SMAD4: variants seen among roughly 807,000 people sequenced by gnomAD.
The protein encoded by SMAD4 is MAD homolog 4.
In SMAD4, 7 loss-of-function variants were observed where a neutral mutation model predicts 63.2. That is an observed-to-expected ratio of 0.11 (90% CI 0.06 to 0.21). SMAD4 has a LOEUF of 0.21. Among genes scored for constraint, SMAD4 ranks in the 10% least tolerant of loss-of-function variants. The pLI is 1.00. For missense variants in SMAD4, 312 were observed against 693.8 expected (o/e 0.45, Z 6.18); for synonymous variants, 215 against 235.4 (o/e 0.91, Z 0.79).
At chr18:51,049,378 T>C in intron 4 of SMAD4, 54 bp downstream of exon 4, 1 of 1,358,890 alleles carries the variant, frequency 7.4e-7, no homozygotes, top group Non-Finnish European at 1.1e-6. Flanking sequence ...TCCTCTCTGT[T>C]TTTTTGTTGA....
rs11875522 is a variant in SMAD4 at position 51,065,392 on chromosome 18, G to A, written c.956-31G>A. Reference sequence around the variant, plus strand: ...TGAAAGCCTTATATCTTTCTCATGGGAGGATGTTCTTTCCCATTTATTTCC... The same window carrying A: ...TGAAAGCCTTATATCTTTCTCATGGAAGGATGTTCTTTCCCATTTATTTCC... On this transcript the variant is annotated intron_variant, in intron 8 of 11. Transcript: ENST00000342988. 13,744 of 1,576,258 alleles carry A rather than the reference G, an allele frequency of 8.7e-3. 991 individuals are homozygous for A. The African/African-American group carries it at 0.16, about 18-fold the overall frequency.
chr18:51,068,676 T>C (rs1910235580), intron 10 of SMAD4, among the ~76,000 whole-genome samples: 1 of 152,192 alleles, frequency 6.6e-6, no homozygotes, highest in Non-Finnish European at 1.5e-5. Flanking sequence ...CTTAGCACTT[T>C]CGGAGGCCAA....
In SMAD4 at chr18:51,030,520, G is replaced by T. The variant is rs1282467748; in HGVS notation, c.-231G>T. ...GCCTGGCCGGGACGCCTCGGGGCGG[G>T]GGCCGAGGAGCTCTCCGGGCCGCCG... On this transcript the variant is annotated 5_prime_UTR_variant, in exon 1 of 12. Transcript: ENST00000342988. 1 of 148,764 alleles carries T rather than the reference G, an allele frequency of 6.7e-6. No individual in the cohort carries two copies. The highest frequency in any genetic ancestry group is 6.7e-5 in the Admixed American group (1 of 15,034). 9.2% of individuals were successfully genotyped at this position (148,764 alleles called of 1,614,324 possible).
rs1199012765 is a variant in SMAD4, at chr18:51,084,289, TC to T, written c.*5825del. 4.4e-6 allele frequency: 1 copy of T among 228,818 alleles called. No individual in the cohort carries two copies. Among genetic ancestry groups the T allele is most frequent in the Non-Finnish European group, 8.7e-6 (1 of 115,398 alleles). The allele number at this position is 228,818 out of a possible 1,614,324, so 14.2% of individuals were successfully genotyped here. A position where few individuals can be genotyped will look rare whatever the true frequency, so the allele number is the denominator to read the frequency against. ...GATATTATGCTCAAAACAAGGAAAT[TC>T]CCTTGAACCGTGTCAATTAAACTGG... On this transcript the variant is annotated 3_prime_UTR_variant, in exon 12 of 12. Coordinates refer to ENST00000342988, the MANE Select transcript of SMAD4 (RefSeq NM_005359.6).
At position 51,081,553 on chromosome 18, in the gene SMAD4, A is replaced by G. The variant is rs575178510; in HGVS notation, c.*3086A>G. The G allele has an allele frequency of 4.3e-6, 1 of 232,286 alleles. No individual in the cohort carries two copies. The highest frequency in any genetic ancestry group is 2.2e-5 in the African/African-American group (1 of 45,408). 14.4% of individuals were successfully genotyped at this position (232,286 alleles called of 1,614,324 possible). On this transcript the variant is annotated 3_prime_UTR_variant, in exon 12 of 12. Transcript: ENST00000342988. The stretch of plus-strand genomic sequence containing the variant: ...GTTGCCTATACCATTCCTCCTGTGA[A>G]CAGTGCAGATTTACAGGTTGCATGG...
chr18:51,041,256 C>G (rs12968012), intron 1 of SMAD4, among the ~76,000 whole-genome samples: 49,243 of 152,082 alleles, frequency 0.32, 8,743 homozygotes, highest in East Asian at 0.47. Context: ...TCTTATCCGT[C>G]TCTGCTTTTC....
At chr18:51,036,780 C>G (rs1010045089) in intron 1 of SMAD4, among the ~76,000 whole-genome samples, 2 of 152,170 alleles carry the variant, frequency 1.3e-5, no homozygotes, top group African/African-American at 2.4e-5. Flanking sequence ...GTTAGTGGAG[C>G]TGGCCTAACC....
chr18:51,044,232 A>G (rs1300388260), intron 1 of SMAD4, among the ~76,000 whole-genome samples: 5 of 149,972 alleles, frequency 3.3e-5, no homozygotes, highest in African/African-American at 9.8e-5. Flanking sequence ...GCAGCCTTCA[A>G]CTCCTGAGCT....
intron 1 of SMAD4, among the ~76,000 whole-genome samples, chr18:51,037,011 T>G (rs1178917855): frequency 1.3e-5 from 2 of 152,024 alleles, no homozygotes; most frequent in Non-Finnish European, 2.9e-5. Context: ...AATACAAAAA[T>G]TCATTGGGCA....
intron 1 of SMAD4, among the ~76,000 whole-genome samples, chr18:51,040,748 G>A (rs1191380690): frequency 6.6e-6 from 1 of 152,162 alleles, no homozygotes; most frequent in Admixed American, 6.6e-5. Flanking sequence ...TTAATAGCAA[G>A]GCTAGAGGAA....
chr18:51,035,175 A>G (rs1539870), intron 1 of SMAD4, among the ~76,000 whole-genome samples: 3,991 of 152,050 alleles, frequency 0.026, 160 homozygotes, highest in African/African-American at 0.09. Flanking sequence ...CCTGTCACCT[A>G]TTCCTTTCTC....
chr18:51,060,913 AT>A (rs1230489910), intron 8 of SMAD4, among the ~76,000 whole-genome samples: 1 of 151,330 alleles, frequency 6.6e-6, no homozygotes, highest in African/African-American at 2.4e-5. Context: ...TTATTTATTT[AT>A]TTTTTTCCGA....
At chr18:51,037,940 ATACT>A (rs1440504069) in intron 1 of SMAD4, among the ~76,000 whole-genome samples, 1 of 152,144 alleles carries the variant, frequency 6.6e-6, no homozygotes, top group East Asian at 1.9e-4. Flanking sequence ...CAGTTTCTTA[ATACT>A]TAAAGACTTT....
intron 2 of SMAD4, 36 bp downstream of exon 2, chr18:51,047,331 G>A: frequency 5.0e-6 from 8 of 1,602,196 alleles, no homozygotes; most frequent in Non-Finnish European, 6.8e-6. Flanking sequence ...ACCCTCTATG[G>A]TGGCAGATTT....
chr18:51,045,236 A>G (rs1319853420), intron 1 of SMAD4, among the ~76,000 whole-genome samples: 1 of 152,258 alleles, frequency 6.6e-6, no homozygotes. Context: ...AGTGGAATTG[A>G]TACTTTAACA....
intron 1 of SMAD4, among the ~76,000 whole-genome samples, chr18:51,034,495 C>T (rs113663946): frequency 3.6e-4 from 55 of 152,250 alleles, no homozygotes; most frequent in African/African-American, 1.3e-3. Context: ...AGGTGATCCA[C>T]CCGCCTCAGC....
intron 11 of SMAD4, among the ~76,000 whole-genome samples, chr18:51,077,609 G>A (rs1335262771): frequency 2.6e-5 from 4 of 152,146 alleles, no homozygotes; most frequent in Non-Finnish European, 5.9e-5. Context: ...CAATTTAGAG[G>A]TAGATTAGGC....
At chr18:51,064,366 C>G (rs887042617) in intron 8 of SMAD4, among the ~76,000 whole-genome samples, 14 of 152,132 alleles carry the variant, frequency 9.2e-5, no homozygotes, top group African/African-American at 3.4e-4. Context: ...TGTTCCATAC[C>G]CTGTTTTATT....
chr18:51,051,776 A>T (rs545746105), intron 4 of SMAD4, among the ~76,000 whole-genome samples: 1 of 152,134 alleles, frequency 6.6e-6, no homozygotes, highest in Non-Finnish European at 1.5e-5. Flanking sequence ...TGTCACCTAT[A>T]GAGAATATAT....
Sources: allele counts gnomAD v4.1 joint callset (sites outside exome capture counted in the v4.1 genomes callset), GRCh38; gene constraint gnomAD v4.1.1; transcripts MANE v1.5; gene names NCBI Gene and HGNC (gene_info 2026-07-23, HGNC 2026-07-21).